The following UBXN7 variants were observed in gnomAD, a reference collection of about 807,000 sequenced individuals.
The protein encoded by UBXN7 is UBX domain-containing protein 7.
A neutral mutation model predicts 58.0 loss-of-function variants in UBXN7; 9 were observed. That is an observed-to-expected ratio of 0.16 (90% CI 0.09 to 0.27). The LOEUF is 0.27. Ranked by LOEUF, UBXN7 falls within the 10% of genes least tolerant of loss-of-function variation. The probability of loss-of-function intolerance (pLI) is 1.00; values close to 1 mark genes in which losing one functional copy is unlikely to be tolerated. For missense variants in UBXN7, 328 were observed against 599.6 expected (o/e 0.55, Z 4.73); for synonymous variants, 208 against 205.0 (o/e 1.01, Z -0.12).
At position 196,383,731 on chromosome 3, in the gene UBXN7, A is replaced by G. The variant is rs144587368; in HGVS notation, c.468+8082T>C. ...ACATAACGAAATGAAGGCAGAAATA[A>G]TGATGTTCTTTGAAACCAATGAGAA... On this transcript the variant is annotated intron_variant, in intron 5 of 10. Coordinates refer to ENST00000296328, the MANE Select transcript of UBXN7 (RefSeq NM_015562.2). 9.1e-4 allele frequency among the ~76,000 whole-genome samples: 139 copies of G among 152,340 alleles called. 2 individuals carry two copies. Among genetic ancestry groups the G allele is most frequent in the African/African-American group, 3.2e-3 (133 of 41,578 alleles).
intron 10 of UBXN7, among the ~76,000 whole-genome samples, chr3:196,359,247 G>C (rs1006282475): frequency 6.6e-6 from 1 of 151,774 alleles, no homozygotes; most frequent in African/African-American, 2.4e-5. Context: ...TTCTGCTTTT[G>C]GGCACCACAA....
At chr3:196,413,925 C>T (rs928909787) in intron 1 of UBXN7, among the ~76,000 whole-genome samples, 24 of 152,084 alleles carry the variant, frequency 1.6e-4, no homozygotes, top group African/African-American at 5.6e-4. Flanking sequence ...CCTAATACAA[C>T]GTAAACAGTT....
rs572677617 is a variant in UBXN7, at chr3:196,355,511, T to C, written c.*1174A>G. ...ACTAAATGTTGTCTTCTGAATGGAG[T>C]TGAAAGGTCTTCCCCTTAGAGAGGC... On this transcript the variant is annotated 3_prime_UTR_variant, in exon 11 of 11. Transcript: ENST00000296328. The C allele has an allele frequency of 1.3e-5, 2 of 152,290 alleles. No homozygotes were observed. Among genetic ancestry groups the C allele is most frequent in the South Asian group, 2.1e-4 (1 of 4,816 alleles). 9.4% of individuals were successfully genotyped at this position (152,290 alleles called of 1,614,324 possible). A position where few individuals can be genotyped will look rare whatever the true frequency, so the allele number is the denominator to read the frequency against.
chr3:196,390,066 A>T (rs1560230353), intron 5 of UBXN7, among the ~76,000 whole-genome samples: 1 of 152,048 alleles, frequency 6.6e-6, no homozygotes, highest in Non-Finnish European at 1.5e-5. Context: ...AAATATTTTT[A>T]AAATTGGCCA....
chr3:196,365,680 A>C (rs746665937), intron 8 of UBXN7, among the ~76,000 whole-genome samples: 2 of 152,228 alleles, frequency 1.3e-5, no homozygotes, highest in African/African-American at 2.4e-5. Flanking sequence ...CAATCTCTAC[A>C]TTCATTCATG....
At position 196,374,984 on chromosome 3, in the gene UBXN7, A is replaced by AAGGAAGGAAGGAAGGG. The variant is rs1410306305; in HGVS notation, c.469-2943_469-2942insCCCTTCCTTCCTTCCT. ...AAAAAAAGGAAGGAGGGAAGGAAGG[A>AAGGAAGGAAGGAAGGG]AGGGAGGGAGGGAGGGAGGGAGGAA... On this transcript the variant is annotated intron_variant, in intron 5 of 10. Transcript: ENST00000296328. Among the ~76,000 whole-genome samples, 51 of 32,430 alleles carry AAGGAAGGAAGGAAGGG rather than the reference A, an allele frequency of 1.6e-3. 2 individuals are homozygous for AAGGAAGGAAGGAAGGG. The highest frequency in any genetic ancestry group is 3.4e-3 in the South Asian group (2 of 594). 21.3% of individuals were successfully genotyped at this position (32,430 alleles called of 152,430 possible).
intron 8 of UBXN7, among the ~76,000 whole-genome samples, chr3:196,363,963 TTATC>T (rs1415970467): frequency 6.6e-6 from 1 of 151,618 alleles, no homozygotes; most frequent in Non-Finnish European, 1.5e-5. Flanking sequence ...CAAGAAAAGT[TTATC>T]TATTACCTGC....
Position 196,351,766 on chromosome 3 carries a change from C to T in UBXN7, c.*4919G>A, listed in dbSNP as rs1728220213. 6.6e-6 allele frequency: 1 copy of T among 152,198 alleles called. No individual in the cohort carries two copies. The highest frequency in any genetic ancestry group is 1.9e-4 in the East Asian group (1 of 5,200). 9.4% of individuals were successfully genotyped at this position (152,198 alleles called of 1,614,324 possible). ...AAAGGGCTCTCACACCTCCAGTGCCCTTTCTGCATATAACATATACTATAC... is the reference window on the plus strand; with the variant it reads ...AAAGGGCTCTCACACCTCCAGTGCCTTTTCTGCATATAACATATACTATAC... On this transcript the variant is annotated 3_prime_UTR_variant, in exon 11 of 11. Transcript: ENST00000296328.
chr3:196,384,095 C>A (rs1172014435), intron 5 of UBXN7, among the ~76,000 whole-genome samples: 4 of 152,020 alleles, frequency 2.6e-5, no homozygotes, highest in Non-Finnish European at 5.9e-5. Flanking sequence ...CAAATAGACG[C>A]AATAAAAAAT....
intron 5 of UBXN7, among the ~76,000 whole-genome samples, chr3:196,387,429 T>C (rs1410165592): frequency 6.6e-6 from 1 of 152,018 alleles, no homozygotes; most frequent in Non-Finnish European, 1.5e-5. Flanking sequence ...AAAGCCAAAA[T>C]AGACAAATGG....
chr3:196,396,718 G>C (rs200676380), intron 3 of UBXN7, among the ~76,000 whole-genome samples: 1 of 152,096 alleles, frequency 6.6e-6, no homozygotes, highest in African/African-American at 2.4e-5. Flanking sequence ...AGCTGAGATC[G>C]CACCACTGCA....
chr3:196,359,959 A>AG (rs1319500327), intron 10 of UBXN7, among the ~76,000 whole-genome samples: 1 of 152,180 alleles, frequency 6.6e-6, no homozygotes, highest in African/African-American at 2.4e-5. Context: ...GCTGCTGAAA[A>AG]GGAGAAAGTT....
intron 5 of UBXN7, among the ~76,000 whole-genome samples, chr3:196,387,169 C>T (rs987752960): frequency 1.3e-5 from 2 of 152,054 alleles, no homozygotes; most frequent in Admixed American, 1.3e-4. Flanking sequence ...ACAAACCTGA[C>T]AAAAACAAGA....
intron 3 of UBXN7, among the ~76,000 whole-genome samples, chr3:196,395,768 AATTT>A (rs1042055983): frequency 1.4e-5 from 2 of 142,322 alleles, no homozygotes; most frequent in South Asian, 2.2e-4. Context: ...TGAATTAATT[AATTT>A]ATTTATTTAT....
intron 5 of UBXN7, among the ~76,000 whole-genome samples, chr3:196,383,084 C>G (rs1298636242): frequency 6.6e-6 from 1 of 151,054 alleles, no homozygotes; most frequent in African/African-American, 2.4e-5. Flanking sequence ...CCACTGCACT[C>G]CAGCCTGGGC....
chr3:196,421,037 GAGTGGATGAC>G (rs1730666443), intron 1 of UBXN7, among the ~76,000 whole-genome samples: 1 of 152,214 alleles, frequency 6.6e-6, no homozygotes, highest in African/African-American at 2.4e-5. Flanking sequence ...AAGGATATGG[GAGTGGATGAC>G]AGTTGTGAGA....
chr3:196,390,218 CA>C (rs559912893), intron 5 of UBXN7, among the ~76,000 whole-genome samples: 16 of 145,104 alleles, frequency 1.1e-4, no homozygotes, highest in South Asian at 4.4e-4. Flanking sequence ...GAACCTGTCT[CA>C]AAAAAAAAAG....
intron 10 of UBXN7, among the ~76,000 whole-genome samples, chr3:196,359,587 A>C (rs1433506006): frequency 1.3e-5 from 2 of 152,242 alleles, no homozygotes; most frequent in Non-Finnish European, 2.9e-5. Context: ...AAGGAAATTA[A>C]AAGTGCTACT....
intron 1 of UBXN7, among the ~76,000 whole-genome samples, chr3:196,411,639 C>T (rs1174766264): frequency 7.9e-5 from 12 of 152,144 alleles, no homozygotes; most frequent in Non-Finnish European, 2.9e-5. Flanking sequence ...GGTGAAACCC[C>T]TTCTCTATTA....
Sources: gnomAD v4.1 joint callset for allele counts (sites outside exome capture counted in the v4.1 genomes callset) on GRCh38, gnomAD v4.1.1 for gene constraint, MANE v1.5 for transcripts, NCBI Gene and HGNC (gene_info 2026-07-23, HGNC 2026-07-21) for gene names.